CC2D2A: variants seen among roughly 807,000 people sequenced by gnomAD.
CC2D2A encodes coiled-coil and C2 domain containing 2A.
CC2D2A carries 155 observed loss-of-function variants against 212.9 expected under a neutral mutation model. The ratio of observed to expected loss-of-function variants is 0.73; its 90% CI spans 0.64 to 0.83. The LOEUF (loss-of-function observed/expected upper bound fraction) is 0.83, where lower values mean the gene tolerates loss of function less well. Among genes scored for constraint, CC2D2A ranks in the 40% least tolerant of loss-of-function variants. CC2D2A has a pLI of 0.00. For missense variants in CC2D2A, 1,856 were observed against 1,956.2 expected (o/e 0.95, Z 0.97); for synonymous variants, 667 against 686.5 (o/e 0.97, Z 0.44).
At chr4:15,478,832 T>G in intron 3 of CC2D2A, 26 bp downstream of exon 3, 3 of 1,517,116 alleles carry the variant, frequency 2.0e-6, no homozygotes, top group Non-Finnish European at 2.7e-6. Context: ...AAACTGTGTC[T>G]GCGTATTGTC....
chr4:15,559,624 C>A (rs573065244), intron 22 of CC2D2A, among the ~76,000 whole-genome samples: 1 of 152,236 alleles, frequency 6.6e-6, no homozygotes, highest in South Asian at 2.1e-4. Flanking sequence ...CCCTTATGCA[C>A]TAGAAAACTA....
chr4:15,587,544 G>A (rs900352386), intron 31 of CC2D2A, among the ~76,000 whole-genome samples: 12 of 152,078 alleles, frequency 7.9e-5, no homozygotes, highest in Admixed American at 4.6e-4. Flanking sequence ...AAATAAAAAC[G>A]AAACTTTGAA....
At chr4:15,597,350 T>C (rs770457410) in intron 34 of CC2D2A, 57 bp from the exon 35 acceptor site, 14 of 1,188,770 alleles carry the variant, frequency 1.2e-5, no homozygotes, top group East Asian at 2.5e-5. Flanking sequence ...TTTAAAAGGA[T>C]GTTCAAATTA....
intron 2 of CC2D2A, 64 bp from the exon 3 acceptor site, chr4:15,478,659 A>T: frequency 7.9e-7 from 1 of 1,258,306 alleles, no homozygotes; most frequent in Non-Finnish European, 1.1e-6. Flanking sequence ...TTTTAATTTT[A>T]ATACCTAAAA....
chr4:15,497,508 C>T (rs1349259050), intron 4 of CC2D2A, among the ~76,000 whole-genome samples: 1 of 152,114 alleles, frequency 6.6e-6, no homozygotes, highest in East Asian at 1.9e-4. Flanking sequence ...CTAGGTTCTC[C>T]TTGCATATTT....
chr4:15,479,444 C>G (rs966260045), intron 3 of CC2D2A: 1 of 862,478 alleles, frequency 1.2e-6, no homozygotes, highest in Non-Finnish European at 1.9e-6. Context: ...GGGAGAGAAG[C>G]GCCATTTTGA....
chr4:15,567,982 T>C (rs1170204999), intron 26 of CC2D2A, among the ~76,000 whole-genome samples, 196 bp downstream of exon 26: 1 of 152,144 alleles, frequency 6.6e-6, no homozygotes, highest in Non-Finnish European at 1.5e-5. Context: ...AATGGAAAAA[T>C]GTCCAACTTT....
intron 4 of CC2D2A, among the ~76,000 whole-genome samples, chr4:15,485,468 G>A (rs1714944432): frequency 6.6e-6 from 1 of 152,168 alleles, no homozygotes; most frequent in Admixed American, 6.5e-5. Context: ...TTGATATACT[G>A]CTTTCCTTTC....
chr4:15,567,397 G>C lies in CC2D2A; in HGVS notation c.3203G>C (p.Arg1068Thr). 6.2e-7 allele frequency: 1 copy of C among 1,613,120 alleles called. No individual in the cohort carries two copies. The highest frequency in any genetic ancestry group is 8.5e-7 in the Non-Finnish European group (1 of 1,179,476). ...PAVSKFQQPS[R>T]SSRMFSEKHA... The stretch of plus-strand genomic sequence containing the variant: ...CCTAGCAAATTCCAGCAGCCGTCGA[G>C]GTCTTCAAGGATGTTCAGTGAAAAG... Residue 1068 changes from arginine to threonine, a missense_variant, in exon 25 of 37, where the codon AGG becomes ACG. Transcript: ENST00000424120.
chr4:15,549,776 C>A (rs1279966170), intron 17 of CC2D2A, among the ~76,000 whole-genome samples: 3 of 152,144 alleles, frequency 2.0e-5, no homozygotes, highest in Admixed American at 2.0e-4. Flanking sequence ...GCACTCCAGC[C>A]TAGGTGACAG....
At position 15,500,930 on chromosome 4, in the gene CC2D2A, C is replaced by G. The variant is rs1199179402; in HGVS notation, c.248-1499C>G. On this transcript the variant is annotated intron_variant, in intron 4 of 36. Coordinates refer to ENST00000424120, the MANE Select transcript of CC2D2A (RefSeq NM_001378615.1). ...CCAAGCCTTTACTGTTCAGTCTGGC[C>G]CCTCTCCCAGAGCTTGGTGTCCTGG... Among the ~76,000 whole-genome samples, 5 of 152,096 alleles carry G rather than the reference C, an allele frequency of 3.3e-5. No homozygotes were observed. The East Asian group carries it at 9.7e-4, about 29-fold the overall frequency.
At chr4:15,564,967 G>A (rs1354360095) in intron 24 of CC2D2A, among the ~76,000 whole-genome samples, 2 of 152,168 alleles carry the variant, frequency 1.3e-5, no homozygotes, top group Non-Finnish European at 2.9e-5. Context: ...ATGAGCCACT[G>A]CACCCGGCTC....
intron 3 of CC2D2A, chr4:15,479,288 C>T (rs1336190318): frequency 3.3e-6 from 5 of 1,537,102 alleles, no homozygotes; most frequent in Non-Finnish European, 4.4e-6. Context: ...GAGTTCCCCT[C>T]CTAGGCTGGG....
chr4:15,484,351 G>A (rs1042155473), intron 4 of CC2D2A, among the ~76,000 whole-genome samples: 1 of 152,206 alleles, frequency 6.6e-6, no homozygotes, highest in Non-Finnish European at 1.5e-5. Flanking sequence ...TCAGAAGGGA[G>A]GAGGGGAATT....
At chr4:15,470,689 C>CTATA (rs199958992) in intron 1 of CC2D2A, among the ~76,000 whole-genome samples, 1 of 50,668 alleles carries the variant, frequency 2.0e-5, no homozygotes, top group African/African-American at 9.2e-5. Flanking sequence ...CTCTCTCTCT[C>CTATA]TATATATATA....
rs1718963530 is a variant in CC2D2A at position 15,550,911 on chromosome 4, G to C, written c.2269G>C (p.Ala757Pro). ...TGAGACTACTGTTGTCACTGGAAGG[G>C]CTCCTACTGAAGAAGTGGAGTTTAG... is the stretch of plus-strand genomic sequence containing the variant. ...IPETTVVTGR[A>P]PTEEVEFSSN... Residue 757 changes from alanine to proline, a missense_variant, in exon 18 of 37, where the codon GCT becomes CCT. Ala to Pro is a conservative substitution (Grantham distance 27). Around this residue, in one of 5 missense-constraint regions of CC2D2A, gnomAD observed 1,512 missense variants for 1,579.3 expected, o/e 0.96. Coordinates refer to ENST00000424120, the MANE Select transcript of CC2D2A (RefSeq NM_001378615.1). 1 of 1,609,686 alleles carries C rather than the reference G, an allele frequency of 6.2e-7. No individual in the cohort carries two copies. Among genetic ancestry groups the C allele is most frequent in the African/African-American group, 1.3e-5 (1 of 74,912 alleles).
chr4:15,598,706 T>C (rs1195221335), intron 35 of CC2D2A, among the ~76,000 whole-genome samples: 1 of 152,162 alleles, frequency 6.6e-6, no homozygotes, highest in Non-Finnish European at 1.5e-5. Context: ...AAATTAATCA[T>C]CATGGATAGA....
At chr4:15,537,835 G>C (rs890757839) in intron 15 of CC2D2A, 64 bp from the exon 16 acceptor site, 5 of 1,509,020 alleles carry the variant, frequency 3.3e-6, no homozygotes, top group African/African-American at 1.4e-5. Flanking sequence ...TGGCTATGAA[G>C]ACTGTGCTCT....
At chr4:15,494,197 G>A (rs1715478413) in intron 4 of CC2D2A, among the ~76,000 whole-genome samples, 1 of 152,212 alleles carries the variant, frequency 6.6e-6, no homozygotes, top group Admixed American at 6.5e-5. Context: ...CAGCATGAGA[G>A]CACCGAGTCT....
Sources: gnomAD v4.1 joint callset for allele counts (sites outside exome capture counted in the v4.1 genomes callset) on GRCh38, gnomAD v4.1.1 for gene constraint, gnomAD v4.1.1 regional missense constraint, MANE v1.5 for transcripts, NCBI Gene and HGNC (gene_info 2026-07-23, HGNC 2026-07-21) for gene names.